The following MMP16 variants were observed in gnomAD, a reference collection of about 807,000 sequenced individuals.
MMP16 encodes matrix metallopeptidase 16.
MMP16 carries 12 observed loss-of-function variants against 67.8 expected under a neutral mutation model. The observed-to-expected ratio is 0.18, with a 90% confidence interval of 0.11 to 0.29. MMP16 has a LOEUF of 0.29. MMP16 is among the 10% of genes least tolerant of loss of function. The probability of loss-of-function intolerance (pLI) is 1.00; values close to 1 mark genes in which losing one functional copy is unlikely to be tolerated. For missense variants in MMP16, 475 were observed against 765.7 expected (o/e 0.62, Z 4.48); for synonymous variants, 249 against 255.9 (o/e 0.97, Z 0.26).
chr8:88,274,780 AAAT>A (rs1365596902), intron 1 of MMP16, among the ~76,000 whole-genome samples: 1 of 152,022 alleles, frequency 6.6e-6, no homozygotes, highest in African/African-American at 2.4e-5. Context: ...TGATTTTATA[AAAT>A]AATATCAAAA....
intron 1 of MMP16, among the ~76,000 whole-genome samples, chr8:88,280,137 G>T (rs1215555986): frequency 6.6e-6 from 1 of 152,092 alleles, no homozygotes; most frequent in Non-Finnish European, 1.5e-5. Context: ...ACACTGAACT[G>T]CATCTGTTTT....
chr8:88,254,299 G>A (rs1810269775), intron 1 of MMP16, among the ~76,000 whole-genome samples: 1 of 152,012 alleles, frequency 6.6e-6, no homozygotes, highest in South Asian at 2.1e-4. Context: ...ACTCACACAG[G>A]CCTATCAGAG....
At chr8:88,111,388 C>T (rs969962830) in intron 6 of MMP16, among the ~76,000 whole-genome samples, 2 of 151,704 alleles carry the variant, frequency 1.3e-5, no homozygotes, top group Non-Finnish European at 2.9e-5. Context: ...GCTCTACATA[C>T]TGCAGTAGAA....
At position 88,188,723 on chromosome 8, in the gene MMP16, C is replaced by T. The variant is rs533383676; in HGVS notation, c.282-2125G>A. 5.3e-5 allele frequency among the ~76,000 whole-genome samples: 8 copies of T among 150,794 alleles called. No homozygotes were observed. In the East Asian group the frequency reaches 7.8e-4, roughly 15 times the overall value. On this transcript the variant is annotated intron_variant, in intron 2 of 9. Coordinates refer to ENST00000286614, the MANE Select transcript of MMP16 (RefSeq NM_005941.5). ...AGGCTGGAGTGCAATGGCACGATCT[C>T]GGCTTAACCACAACCTCCACCTCCC...
chr8:88,085,302 G>A (rs565448099), intron 6 of MMP16, among the ~76,000 whole-genome samples: 17 of 152,108 alleles, frequency 1.1e-4, no homozygotes, highest in African/African-American at 4.1e-4. Context: ...ATGCCATTCT[G>A]GGAAGTTTTC....
At chr8:88,318,494 A>G (rs1811406658) in intron 1 of MMP16, among the ~76,000 whole-genome samples, 1 of 152,190 alleles carries the variant, frequency 6.6e-6, no homozygotes, top group Non-Finnish European at 1.5e-5. Context: ...AGTTTGGAAT[A>G]CAAACGATGT....
At chr8:88,063,834 T>C (rs1808431692) in intron 7 of MMP16, among the ~76,000 whole-genome samples, 1 of 152,038 alleles carries the variant, frequency 6.6e-6, no homozygotes, top group Admixed American at 6.6e-5. Context: ...CCCTCCTTTA[T>C]CAACTCATCA....
chr8:88,070,074 A>C (rs1465178752), intron 7 of MMP16, among the ~76,000 whole-genome samples: 1 of 152,072 alleles, frequency 6.6e-6, no homozygotes, highest in Admixed American at 6.6e-5. Context: ...ATACAGCATT[A>C]TTTCTTTCCA....
intron 7 of MMP16, among the ~76,000 whole-genome samples, chr8:88,072,009 G>T (rs757538305): frequency 6.6e-6 from 1 of 152,076 alleles, no homozygotes; most frequent in Non-Finnish European, 1.5e-5. Flanking sequence ...ATATTCTAGT[G>T]GGAAGGATAC....
In MMP16 at chr8:88,056,111, G is replaced by A. The variant is rs987507935; in HGVS notation, c.1373+17C>T. The A allele has an allele frequency of 4.1e-6, 6 of 1,448,828 alleles. No individual in the cohort carries two copies. In the African/African-American group the frequency reaches 5.8e-5, roughly 14 times the overall value. The allele number at this position is 1,448,828 out of a possible 1,614,324, so 89.7% of individuals were successfully genotyped here. Reference sequence around the variant, plus strand: ...TTGGTTAATTAACTGTTTTTCTCATGAGAAGTGTATACTGACCTGTCTCCC... The same window carrying A: ...TTGGTTAATTAACTGTTTTTCTCATAAGAAGTGTATACTGACCTGTCTCCC... On this transcript the variant is annotated intron_variant, in intron 8 of 9. Coordinates refer to ENST00000286614, the MANE Select transcript of MMP16 (RefSeq NM_005941.5).
Position 88,033,820 on chromosome 8 carries a change from T to C in MMP16, c.*7641A>G, listed in dbSNP as rs950750563. ...CTCTGTAACACCCCTAATTCTTTGA[T>C]TCTATCTCTCTTTCTAATATATATG... is the stretch of plus-strand genomic sequence containing the variant. On this transcript the variant is annotated 3_prime_UTR_variant, in exon 10 of 10. Transcript: ENST00000286614. The C allele has an allele frequency of 7.9e-5, 12 of 152,072 alleles. No individual in the cohort carries two copies. Among genetic ancestry groups the C allele is most frequent in the African/African-American group, 2.9e-4 (12 of 41,438 alleles). The allele number at this position is 152,072 out of a possible 1,614,324, so 9.4% of individuals were successfully genotyped here. A position where few individuals can be genotyped will look rare whatever the true frequency, so the allele number is the denominator to read the frequency against.
chr8:88,164,173 T>G (rs891129777), intron 4 of MMP16, among the ~76,000 whole-genome samples: 2 of 152,086 alleles, frequency 1.3e-5, no homozygotes, highest in African/African-American at 4.8e-5. Flanking sequence ...TGGGTACTTA[T>G]CAAGAGGCTC....
intron 1 of MMP16, among the ~76,000 whole-genome samples, chr8:88,222,711 C>T (rs562624371): frequency 6.6e-6 from 1 of 152,276 alleles, no homozygotes; most frequent in South Asian, 2.1e-4. Context: ...GGATTAAAGA[C>T]TTAAATGTTA....
chr8:88,212,206 T>A (rs1809523389), intron 1 of MMP16, among the ~76,000 whole-genome samples: 1 of 152,120 alleles, frequency 6.6e-6, no homozygotes, highest in South Asian at 2.1e-4. Context: ...GTGTGGTGGG[T>A]ATGGACACAG....
chr8:88,140,844 G>A (rs753237662), intron 4 of MMP16, among the ~76,000 whole-genome samples: 10 of 151,996 alleles, frequency 6.6e-5, no homozygotes, highest in South Asian at 2.1e-4. Context: ...CAGACTCTGC[G>A]CTTAAAGAAA....
chr8:88,210,400 G>C, intron 1 of MMP16, among the ~76,000 whole-genome samples: 1 of 152,200 alleles, frequency 6.6e-6, no homozygotes, highest in East Asian at 1.9e-4. Context: ...CTGAGCCTGA[G>C]TGATAGAATT....
At chr8:88,321,562 C>T (rs190021796) in intron 1 of MMP16, among the ~76,000 whole-genome samples, 1 of 152,084 alleles carries the variant, frequency 6.6e-6, no homozygotes, top group African/African-American at 2.4e-5. Flanking sequence ...ATGGAACATC[C>T]TTTGGAACTA....
At chr8:88,192,474 G>T (rs1286164176) in intron 2 of MMP16, among the ~76,000 whole-genome samples, 1 of 152,264 alleles carries the variant, frequency 6.6e-6, no homozygotes, top group African/African-American at 2.4e-5. Flanking sequence ...GGAATCTAAG[G>T]TCCCTGCTCA....
At chr8:88,220,206 A>T (rs1809659331) in intron 1 of MMP16, among the ~76,000 whole-genome samples, 1 of 152,144 alleles carries the variant, frequency 6.6e-6, no homozygotes, top group African/African-American at 2.4e-5. Context: ...AATATCTTCA[A>T]TATCTAGGCA....
Sources: gnomAD v4.1 joint callset for allele counts (sites outside exome capture counted in the v4.1 genomes callset) on GRCh38, gnomAD v4.1.1 for gene constraint, MANE v1.5 for transcripts, NCBI Gene and HGNC (gene_info 2026-07-23, HGNC 2026-07-21) for gene names.